Variants in ARF5 observed in about 807,000 individuals in gnomAD.
ARF5 encodes the protein ARF GTPase 5.
A neutral mutation model predicts 24.8 loss-of-function variants in ARF5; 10 were observed. The ratio of observed to expected loss-of-function variants is 0.40; its 90% confidence interval spans 0.25 to 0.68. The LOEUF (loss-of-function observed/expected upper bound fraction) is 0.68, where lower values mean the gene tolerates loss of function less well. Ranked by LOEUF, ARF5 falls within the 30% of genes least tolerant of loss-of-function variation. The probability of loss-of-function intolerance (pLI) is 0.36; values close to 1 mark genes in which losing one functional copy is unlikely to be tolerated. For synonymous variants in ARF5, 102 were observed against 95.1 expected (o/e 1.07, Z -0.42); for missense variants, 135 against 239.2 (o/e 0.56, Z 2.87).
chr7:127,588,607 C>T (rs1049124568), intron 1 of ARF5, 42 bp downstream of exon 1: 46 of 1,302,750 alleles, frequency 3.5e-5, no homozygotes, highest in Admixed American at 1.6e-4. Context: ...GGGCGCCGGC[C>T]CCGGCGCAGC....
intron 2 of ARF5, 64 bp downstream of exon 2, chr7:127,589,227 AGTTCTGCCACTTTTCTGGAGCTG>A (rs1380507533): frequency 1.9e-6 from 3 of 1,560,766 alleles, no homozygotes; most frequent in Non-Finnish European, 2.6e-6. Context: ...GTCTGCTCCC[AGTTCTGCCACTTTTCTGGAGCTG>A]ACCCTGACAC....
intron 4 of ARF5, 109 bp downstream of exon 4, chr7:127,590,246 TAA>T: frequency 1.1e-6 from 1 of 887,636 alleles, no homozygotes; most frequent in Non-Finnish European, 1.9e-6. Flanking sequence ...ACCAGGAATA[TAA>T]GTTTTTCTTT....
At position 127,590,910 on chromosome 7, in the gene ARF5, A is replaced by C. The variant is rs545416199; in HGVS notation, c.331-53A>C. 177 of 1,567,818 alleles carry C rather than the reference A, an allele frequency of 1.1e-4. 1 individual carries two copies. Among genetic ancestry groups the C allele is most frequent in the Non-Finnish European group, 1.4e-4 (157 of 1,157,598 alleles). ...CTAGGAGGTAGAAAGGGAATTCCCC[A>C]ACACAGTAGAGGAGACGCAGCCTGG... On this transcript the variant is annotated intron_variant, in intron 4 of 5. Coordinates refer to ENST00000000233, the MANE Select transcript of ARF5 (RefSeq NM_001662.4).
intron 1 of ARF5, 107 bp downstream of exon 1, chr7:127,588,672 C>A: frequency 9.1e-7 from 1 of 1,104,678 alleles, no homozygotes; most frequent in South Asian, 2.8e-5. Flanking sequence ...GGCCCCGAGT[C>A]ACCCACCTCA....
At position 127,588,488 on chromosome 7, in the gene ARF5, CGGGCCCCGCCAT is replaced by C; in HGVS notation, c.-5_7del. The stretch of plus-strand genomic sequence containing the variant: ...CCGCGTCGGTGCCCGCGCCCCTCCC[CGGGCCCCGCCAT>C]GGGCCTCACCGTGTCCGCGCTCTTT... On this transcript the variant is annotated start_lost and 5_prime_UTR_variant, in exon 1 of 6. Transcript: ENST00000000233. 1 of 1,437,554 alleles carries C rather than the reference CGGGCCCCGCCAT, an allele frequency of 7.0e-7. No individual in the cohort carries two copies. Among genetic ancestry groups the C allele is most frequent in the South Asian group, 1.4e-5 (1 of 69,834 alleles). The allele number at this position is 1,437,554 out of a possible 1,614,324, so 89.0% of individuals were successfully genotyped here. A position where few individuals can be genotyped will look rare whatever the true frequency, so the allele number is the denominator to read the frequency against.
Position 127,588,446 on chromosome 7 carries a change from C to G in ARF5, c.-53C>G. ...TGCGCCCCATCCCCCCGCGGCCGGC[C>G]AGTTCCAGCCCGCACCCCGCGTCGG... On this transcript the variant is annotated 5_prime_UTR_variant, in exon 1 of 6. Coordinates refer to ENST00000000233, the MANE Select transcript of ARF5 (RefSeq NM_001662.4). 1 of 1,260,060 alleles carries G rather than the reference C, an allele frequency of 7.9e-7. No homozygotes were observed. Among genetic ancestry groups the G allele is most frequent in the Non-Finnish European group, 1.0e-6 (1 of 964,568 alleles). 78.1% of individuals were successfully genotyped at this position (1,260,060 alleles called of 1,614,324 possible).
chr7:127,590,025 A>G, intron 3 of ARF5, 41 bp from the exon 4 acceptor site: 1 of 1,555,764 alleles, frequency 6.4e-7, no homozygotes, highest in Non-Finnish European at 8.9e-7. Context: ...TGTCCCAGGC[A>G]GAAGTGATTG....
chr7:127,589,798 C>G, intron 3 of ARF5: 1 of 610,038 alleles, frequency 1.6e-6, no homozygotes, highest in Non-Finnish European at 2.9e-6. Context: ...AAGCAGGATT[C>G]TGGGACCAGG....
Position 127,591,221 on chromosome 7 carries a change from C to T in ARF5, c.465C>T (p.Val155=), listed in dbSNP as rs1794282685. ...LQHLRSRTWY[V]QATCATQGTG... Reference sequence around the variant, plus strand: ...TTTCCTTTTCCCCACAGTGGTATGTCCAGGCCACCTGTGCCACCCAAGGCA... The same window carrying T: ...TTTCCTTTTCCCCACAGTGGTATGTTCAGGCCACCTGTGCCACCCAAGGCA... The change falls in exon 6 of 6, where the codon GTC becomes GTT. Residue 155 remains valine, a synonymous_variant. Coordinates refer to ENST00000000233, the MANE Select transcript of ARF5 (RefSeq NM_001662.4). 1.2e-6 allele frequency: 2 copies of T among 1,607,464 alleles called. No individual in the cohort carries two copies. Among genetic ancestry groups the T allele is most frequent in the Non-Finnish European group, 1.7e-6 (2 of 1,178,032 alleles).
chr7:127,589,071 T>G lies in ARF5; in HGVS notation c.68-12T>G, dbSNP rs1294807084. On this transcript the variant is annotated splice_polypyrimidine_tract_variant and intron_variant, in intron 1 of 5. Coordinates refer to ENST00000000233, the MANE Select transcript of ARF5 (RefSeq NM_001662.4). ...GCTCCCATCTCCATCCCTGTGCCCCTTTCCGTTGCAGTTGGCTTGGATGCG... is the reference window on the plus strand; with the variant it reads ...GCTCCCATCTCCATCCCTGTGCCCCGTTCCGTTGCAGTTGGCTTGGATGCG... The G allele has an allele frequency of 6.2e-7, 1 of 1,614,094 alleles. No homozygotes were observed. The highest frequency in any genetic ancestry group is 2.2e-5 in the East Asian group (1 of 44,896).
rs780593712 is a variant in ARF5, at chr7:127,590,982, G to A, written c.350G>A (p.Arg117Gln). 16 of 1,613,526 alleles carry A rather than the reference G, an allele frequency of 9.9e-6. No homozygotes were observed. Among genetic ancestry groups the A allele is most frequent in the African/African-American group, 1.3e-5 (1 of 74,874 alleles). ...LQKMLQEDELRDAVLLVFANK... is the reference protein window; with the variant it reads ...LQKMLQEDELQDAVLLVFANK... ...TCTCAGCTGCAGGAGGACGAGCTGC[G>A]GGATGCAGTGCTGCTGGTATTTGCC... The change falls in exon 5 of 6, where the codon CGG (arginine) becomes CAG (glutamine). Residue 117 changes from arginine (R) to glutamine (Q), a missense_variant. Arg to Gln is a conservative substitution (Grantham distance 43, BLOSUM62 1). Around this residue, in one of 3 missense-constraint regions of ARF5, gnomAD observed 102 missense variants for 160.9 expected, o/e 0.63. Transcript: ENST00000000233.
intron 4 of ARF5, 48 bp downstream of exon 4, chr7:127,590,185 G>C (rs772875588): frequency 6.6e-7 from 1 of 1,508,068 alleles, no homozygotes. Flanking sequence ...TGGGGACAGA[G>C]TGATCTCTGT....
At chr7:127,588,985 GC>G in intron 1 of ARF5, 97 bp from the exon 2 acceptor site, 1 of 1,407,574 alleles carries the variant, frequency 7.1e-7, no homozygotes. Flanking sequence ...CCCGCTCTCC[GC>G]CCCAGTCACC....
At chr7:127,589,263 G>A in intron 2 of ARF5, 100 bp downstream of exon 2, 2 of 1,386,236 alleles carry the variant, frequency 1.4e-6, no homozygotes, top group Non-Finnish European at 2.0e-6. Context: ...CCTGACACCA[G>A]ATACAGCTAT....
intron 2 of ARF5, 50 bp downstream of exon 2, chr7:127,589,213 C>T (rs1319827710): frequency 6.3e-7 from 1 of 1,594,208 alleles, no homozygotes; most frequent in Non-Finnish European, 8.6e-7. Context: ...CGGGCCCTCG[C>T]GGGGTCTGCT....
chr7:127,588,744 G>T, intron 1 of ARF5, 179 bp downstream of exon 1: 1 of 649,270 alleles, frequency 1.5e-6, no homozygotes, highest in Non-Finnish European at 2.4e-6. Context: ...CCCGGGGCCT[G>T]ACACCCGGAG....
At chr7:127,591,158 A>G in intron 5 of ARF5, 55 bp from the exon 6 acceptor site, 1 of 1,608,470 alleles carries the variant, frequency 6.2e-7, no homozygotes, top group Admixed American at 1.7e-5. Context: ...ACAGAGATAT[A>G]AAGGCATTCC....
chr7:127,588,817 C>G lies in ARF5; in HGVS notation c.67+252C>G, dbSNP rs368632686. ...GCCCGGCTGGTAAGAAGGGAGGATTCCGCCCTTGGAGACGACTTTTAAAAC... is the reference window on the plus strand; with the variant it reads ...GCCCGGCTGGTAAGAAGGGAGGATTGCGCCCTTGGAGACGACTTTTAAAAC... On this transcript the variant is annotated intron_variant, in intron 1 of 5. Transcript: ENST00000000233. The G allele has an allele frequency of 9.0e-5, 52 of 578,148 alleles. No homozygotes were observed. In the East Asian group the frequency reaches 1.1e-3, roughly 12 times the overall value. The allele number at this position is 578,148 out of a possible 1,614,324, so 35.8% of individuals were successfully genotyped here.
intron 2 of ARF5, 104 bp downstream of exon 2, chr7:127,589,267 C>G: frequency 1.5e-6 from 2 of 1,364,306 alleles, no homozygotes; most frequent in Non-Finnish European, 2.1e-6. Context: ...ACACCAGATA[C>G]AGCTATTTGA....
Sources: gnomAD v4.1 joint callset for allele counts on GRCh38, gnomAD v4.1.1 for gene constraint, gnomAD v4.1.1 regional missense constraint, MANE v1.5 for transcripts, NCBI Gene and HGNC (gene_info 2026-07-23, HGNC 2026-07-21) for gene names.